GEN1: variants seen among roughly 807,000 people sequenced by gnomAD.
GEN1 encodes the protein GEN1 structure-specific endonuclease.
Under a neutral mutation model 67.6 loss-of-function variants are expected in GEN1, and 64 were observed. That is an observed-to-expected ratio of 0.95 (90% confidence interval 0.77 to 1.17). GEN1 has a LOEUF of 1.17. Among genes scored for constraint, GEN1 ranks in the 50% most tolerant of loss-of-function variants. GEN1 has a pLI of 0.00. For synonymous variants in GEN1, 371 were observed against 359.4 expected, an observed-to-expected ratio of 1.03 and a Z score of -0.37; for missense variants, 1,058 against 1,048.3, an observed-to-expected ratio of 1.01 and a Z score of -0.13.
chr2:17,760,199 A>C (rs1336155817), intron 2 of GEN1, 95 bp downstream of exon 2: 9 of 1,182,622 alleles, frequency 7.6e-6, no homozygotes. Flanking sequence ...TGTTGTTGTT[A>C]TTCTTTTACA....
In GEN1 at chr2:17,781,005, C is replaced by T; in HGVS notation, c.1793C>T (p.Ser598Phe). 6.2e-7 allele frequency: 1 copy of T among 1,613,584 alleles called. No individual in the cohort carries two copies. Among genetic ancestry groups the T allele is most frequent in the Non-Finnish European group, 8.5e-7 (1 of 1,179,632 alleles). ...TGGGAAGGTACTTCTTTTAGTAATT[C>T]TCCAGCTATTCAAAGGAATACTTTT... Reference protein sequence around the residue: ...IDWEGTSFSNSPAIQRNTFSH... With the variant: ...IDWEGTSFSNFPAIQRNTFSH... Residue 598 changes from serine (S) to phenylalanine (F), a missense_variant, in exon 14 of 14, where the codon TCT becomes TTT. Transcript: ENST00000381254.
Position 17,783,071 on chromosome 2 carries a change from T to A in GEN1, c.*1132T>A, listed in dbSNP as rs1672919342. On this transcript the variant is annotated 3_prime_UTR_variant, in exon 14 of 14. Coordinates refer to ENST00000381254, the MANE Select transcript of GEN1 (RefSeq NM_001130009.3). ...TGCATTTTGTTTTTGTTTGTTTGTT[T>A]TTTTTTGAGACAGAGTCTCACTCTT... 6.6e-6 allele frequency: 1 copy of A among 152,200 alleles called. No homozygotes were observed. The highest frequency in any genetic ancestry group is 1.5e-5 in the Non-Finnish European group (1 of 68,046). The allele number at this position is 152,200 out of a possible 1,614,324, so 9.4% of individuals were successfully genotyped here.
rs1361409227 is a variant in GEN1 at position 17,771,347 on chromosome 2, C to T, written c.802+60C>T. 6.0e-6 allele frequency: 6 copies of T among 999,904 alleles called. No homozygotes were observed. In the East Asian group the frequency reaches 1.4e-4, roughly 24 times the overall value. The allele number at this position is 999,904 out of a possible 1,614,324, so 61.9% of individuals were successfully genotyped here. On this transcript the variant is annotated intron_variant, in intron 7 of 13. Coordinates refer to ENST00000381254, the MANE Select transcript of GEN1 (RefSeq NM_001130009.3). ...ATACCCATGTTTTAATTCTTGTTCA[C>T]ATAGTACTTTTTACATGCCAATATT... is the stretch of plus-strand genomic sequence containing the variant.
At chr2:17,760,629 T>G (rs570594060) in intron 2 of GEN1, among the ~76,000 whole-genome samples, 68 of 152,246 alleles carry the variant, frequency 4.5e-4, no homozygotes, top group African/African-American at 1.6e-3. Context: ...CTTAAAAATA[T>G]TCAGTGGTTT....
Position 17,780,610 on chromosome 2 carries a change from T to C in GEN1, c.1409-11T>C. The C allele has an allele frequency of 6.7e-7, 1 of 1,496,474 alleles. No individual in the cohort carries two copies. The highest frequency in any genetic ancestry group is 9.0e-7 in the Non-Finnish European group (1 of 1,111,180). 92.7% of individuals were successfully genotyped at this position (1,496,474 alleles called of 1,614,324 possible). A position where few individuals can be genotyped will look rare whatever the true frequency, so the allele number is the denominator to read the frequency against. ...ATAAATGTTGATTATATGTATTTTTTTTCTTTTCAGGTATTAAGCCTAAAG... is the reference window on the plus strand; with the variant it reads ...ATAAATGTTGATTATATGTATTTTTCTTCTTTTCAGGTATTAAGCCTAAAG... On this transcript the variant is annotated splice_polypyrimidine_tract_variant and intron_variant, in intron 13 of 13. Coordinates refer to ENST00000381254, the MANE Select transcript of GEN1 (RefSeq NM_001130009.3).
At chr2:17,762,250 G>A (rs2125123114) in intron 3 of GEN1, among the ~76,000 whole-genome samples, 1 of 139,362 alleles carries the variant, frequency 7.2e-6, no homozygotes, top group South Asian at 2.2e-4. Context: ...CACCCAGGCT[G>A]GAGTGCAGTG....
In GEN1 at chr2:17,766,443, T is replaced by TA. The variant is rs1271894264; in HGVS notation, c.526-135dup. 3 of 559,560 alleles carry TA rather than the reference T, an allele frequency of 5.4e-6. No individual in the cohort carries two copies. In the Admixed American group the frequency reaches 1.0e-4, roughly 19 times the overall value. 34.7% of individuals were successfully genotyped at this position (559,560 alleles called of 1,614,324 possible). ...CCTTGGCCTCTCAGAGTGCTGGGAT[T>TA]ACAGGCATGAGCCACCATGCCCAGC... On this transcript the variant is annotated intron_variant, in intron 4 of 13. Transcript: ENST00000381254.
At chr2:17,764,291 T>C (rs927053238) in intron 3 of GEN1, among the ~76,000 whole-genome samples, 6 of 152,232 alleles carry the variant, frequency 3.9e-5, no homozygotes, top group African/African-American at 1.4e-4. Context: ...GCCAAAACTG[T>C]ATGATAGCAT....
At chr2:17,753,305 G>C (rs914543087), upstream of GEN1, among the ~76,000 whole-genome samples, 4 of 143,256 alleles carry the variant, frequency 2.8e-5, no homozygotes, top group Admixed American at 2.8e-4. Context: ...ACAGTTATTC[G>C]CCACAGCCCG....
At chr2:17,753,681 G>A (rs1230275788), upstream of GEN1, 2 of 152,320 alleles carry the variant, frequency 1.3e-5, no homozygotes, top group Non-Finnish European at 2.9e-5. Context: ...GCCGTGGTAC[G>A]ACCGGCCGCT....
rs897113360 is a variant in GEN1, at chr2:17,759,416, A to G, written c.-15-513A>G. On this transcript the variant is annotated intron_variant, in intron 1 of 13. Coordinates refer to ENST00000381254, the MANE Select transcript of GEN1 (RefSeq NM_001130009.3). ...TGATTAAAAGTTTTTTTCTTTTTCTACAATGAACATTATGTGACCTTGCAA... is the reference window on the plus strand; with the variant it reads ...TGATTAAAAGTTTTTTTCTTTTTCTGCAATGAACATTATGTGACCTTGCAA... 8.5e-5 allele frequency among the ~76,000 whole-genome samples: 13 copies of G among 152,348 alleles called. No individual in the cohort carries two copies. The East Asian group carries it at 9.6e-4, about 11-fold the overall frequency.
At chr2:17,774,434 T>G in intron 11 of GEN1, 33 bp downstream of exon 11, 2 of 1,528,874 alleles carry the variant, frequency 1.3e-6, no homozygotes. Flanking sequence ...GAAGGTGGTG[T>G]TTTTACTTGA....
At position 17,764,930 on chromosome 2, in the gene GEN1, T is replaced by C. The variant is rs781252989; in HGVS notation, c.382T>C (p.Trp128Arg). 3.1e-6 allele frequency: 5 copies of C among 1,613,992 alleles called. No individual in the cohort carries two copies. The African/African-American group carries it at 5.3e-5, about 17-fold the overall frequency. Residue 128 changes from tryptophan (W) to arginine (R), a missense_variant, in exon 4 of 14, where the codon TGG (tryptophan) becomes CGG (arginine). Physicochemically the swap from Trp to Arg is moderately radical, Grantham distance 101. Transcript: ENST00000381254. Reference sequence around the variant, plus strand: ...TATGCTCGAATGCTTAGGAATCCCCTGGGTTCAGGCTGCTGGGGAAGCTGA... The same window carrying C: ...TATGCTCGAATGCTTAGGAATCCCCCGGGTTCAGGCTGCTGGGGAAGCTGA... The part of the protein sequence containing the change: ...LHMLECLGIP[W>R]VQAAGEAEAM...
At chr2:17,760,175 C>A in intron 2 of GEN1, 71 bp downstream of exon 2, 1 of 1,276,570 alleles carries the variant, frequency 7.8e-7, no homozygotes, top group Non-Finnish European at 1.1e-6. Flanking sequence ...TTTGTTTCAC[C>A]TTTTTTTTTC....
chr2:17,759,119 A>C (rs563233061), intron 1 of GEN1, among the ~76,000 whole-genome samples: 11 of 152,354 alleles, frequency 7.2e-5, no homozygotes, highest in African/African-American at 2.6e-4. Context: ...TGTTTCTGGA[A>C]TGAATGAAGG....
At chr2:17,772,273 T>C (rs1340226022) in intron 7 of GEN1, among the ~76,000 whole-genome samples, 3 of 152,094 alleles carry the variant, frequency 2.0e-5, no homozygotes, top group African/African-American at 7.2e-5. Flanking sequence ...GTAAATAATC[T>C]TTTTTGCTAG....
intron 1 of GEN1, among the ~76,000 whole-genome samples, chr2:17,759,496 T>G (rs1318809945): frequency 1.3e-5 from 2 of 152,222 alleles, no homozygotes; most frequent in Admixed American, 1.3e-4. Context: ...TTCCTCTAAC[T>G]TCATTTTCTC....
chr2:17,780,563 T>C (rs1009108094), intron 13 of GEN1, 58 bp from the exon 14 acceptor site: 1 of 1,166,794 alleles, frequency 8.6e-7, no homozygotes, highest in Non-Finnish European at 1.2e-6. Context: ...TTTTATTTTT[T>C]ACCCAAGTTA....
At position 17,781,685 on chromosome 2, in the gene GEN1, C is replaced by G; in HGVS notation, c.2473C>G (p.Gln825Glu). ...AACTCAAAGAATGAAGCACAGTTCT[C>G]AAAAGCATAATTCATCCCATTTCAA... Reference protein sequence around the residue: ...YTTQRMKHSSQKHNSSHFKES... With the variant: ...YTTQRMKHSSEKHNSSHFKES... The change falls in exon 14 of 14, where the codon CAA (glutamine) becomes GAA (glutamate). Residue 825 changes from glutamine to glutamate, a missense_variant. Transcript: ENST00000381254. 1 of 1,613,906 alleles carries G rather than the reference C, an allele frequency of 6.2e-7. No homozygotes were observed. The highest frequency in any genetic ancestry group is 8.5e-7 in the Non-Finnish European group (1 of 1,179,904).
Sources: gnomAD v4.1 joint callset for allele counts (sites outside exome capture counted in the v4.1 genomes callset) on GRCh38, gnomAD v4.1.1 for gene constraint, MANE v1.5 for transcripts, NCBI Gene and HGNC (gene_info 2026-07-23, HGNC 2026-07-21) for gene names.